MCPH1: variants seen among roughly 807,000 people sequenced by gnomAD.
MCPH1 encodes microcephalin.
In MCPH1, 104 loss-of-function variants were observed where a neutral mutation model predicts 84.5. The observed-to-expected ratio is 1.23, with a 90% CI of 1.05 to 1.45. The LOEUF (loss-of-function observed/expected upper bound fraction) is 1.45. Ranked by LOEUF, MCPH1 falls within the 40% of genes most tolerant of loss-of-function variation. The pLI, the probability that MCPH1 is intolerant of heterozygous loss-of-function variation, is 0.00. For synonymous variants in MCPH1, 514 were observed against 366.8 expected (o/e 1.40, Z -4.58); for missense variants, 1,498 against 1,005.7 (o/e 1.49, Z -6.62).
chr8:6,407,715 T>C (rs1209596888), intron 1 of MCPH1, among the ~76,000 whole-genome samples: 1 of 152,216 alleles, frequency 6.6e-6, no homozygotes. Context: ...CCCCCAATCA[T>C]TGACCAACGG....
chr8:6,488,456 G>A (rs963469691), intron 11 of MCPH1, among the ~76,000 whole-genome samples: 1 of 152,180 alleles, frequency 6.6e-6, no homozygotes, highest in Admixed American at 6.5e-5. Flanking sequence ...TTTTTAGTGG[G>A]AGAAGACTGT....
At chr8:6,459,972 C>T (rs1322074075) in intron 9 of MCPH1, among the ~76,000 whole-genome samples, 1 of 152,216 alleles carries the variant, frequency 6.6e-6, no homozygotes, top group East Asian at 1.9e-4. Flanking sequence ...TGACTTCAGC[C>T]ACGGCCACGG....
intron 9 of MCPH1, chr8:6,474,165 C>A: frequency 1.3e-6 from 1 of 745,060 alleles, no homozygotes; most frequent in Non-Finnish European, 2.5e-6. Flanking sequence ...ATTTGGTTAT[C>A]TAACTCATCA....
chr8:6,626,093 C>T (rs1229788355), intron 13 of MCPH1: 9 of 985,274 alleles, frequency 9.1e-6, no homozygotes, highest in Non-Finnish European at 1.1e-5. Context: ...ACCAACAACT[C>T]CATATCTATG....
intron 12 of MCPH1, among the ~76,000 whole-genome samples, chr8:6,531,271 T>C (rs1226650934): frequency 6.6e-6 from 1 of 151,460 alleles, no homozygotes; most frequent in East Asian, 1.9e-4. Flanking sequence ...GTTATTTTAC[T>C]AGTTTCTTTC....
intron 12 of MCPH1, chr8:6,501,256 G>A (rs1331921818): frequency 1.3e-5 from 2 of 152,212 alleles, no homozygotes; most frequent in Admixed American, 1.3e-4. Context: ...AAGTGGTGGG[G>A]AGAAGTTGGG....
chr8:6,419,126 CATACACACACACACACACACACACAG>C lies in MCPH1; in HGVS notation c.233+4245_233+4270del, dbSNP rs1563179031. 2.7e-3 allele frequency among the ~76,000 whole-genome samples: 184 copies of C among 68,926 alleles called. 1 individual carries two copies. Among genetic ancestry groups the C allele is most frequent in the African/African-American group, 8.9e-3 (179 of 20,078 alleles). The allele number at this position is 68,926 out of a possible 152,430, so 45.2% of individuals were successfully genotyped here. A position where few individuals can be genotyped will look rare whatever the true frequency, so the allele number is the denominator to read the frequency against. ...TTCAACCCTTTTATATTTATATACA[CATACACACACACACACACACACACAG>C]ACACACACACACACACACACACACA... On this transcript the variant is annotated intron_variant, in intron 3 of 13. Transcript: ENST00000344683.
intron 9 of MCPH1, among the ~76,000 whole-genome samples, chr8:6,477,101 A>T (rs988472174): frequency 6.6e-6 from 1 of 152,130 alleles, no homozygotes; most frequent in Non-Finnish European, 1.5e-5. Flanking sequence ...ATGTCAATAG[A>T]ACAAATAAGT....
At chr8:6,521,349 T>C in intron 12 of MCPH1, 1 of 1,613,830 alleles carries the variant, frequency 6.2e-7, no homozygotes, top group Non-Finnish European at 8.5e-7. Context: ...TTCTCTTCTT[T>C]TATTGACTGT....
chr8:6,453,484 C>A (rs1193532196), intron 8 of MCPH1, among the ~76,000 whole-genome samples: 1 of 151,652 alleles, frequency 6.6e-6, no homozygotes, highest in Non-Finnish European at 1.5e-5. Context: ...TGCTTTACAG[C>A]CTGTTTCGTT....
rs533454906 is a variant in MCPH1, at chr8:6,433,186, T to C, written c.321+1600T>C. On this transcript the variant is annotated intron_variant, in intron 4 of 13. Coordinates refer to ENST00000344683, the MANE Select transcript of MCPH1 (RefSeq NM_024596.5). ...ATTGTGACTGTTTTTCCGGTATTCA[T>C]GTACTTTTAGTCACTGTCAGTTTTT... 3.9e-5 allele frequency among the ~76,000 whole-genome samples: 6 copies of C among 152,354 alleles called. No individual in the cohort carries two copies. In the East Asian group the frequency reaches 1.2e-3, roughly 29 times the overall value.
At chr8:6,578,159 A>G (rs1208144254) in intron 12 of MCPH1, among the ~76,000 whole-genome samples, 1 of 152,202 alleles carries the variant, frequency 6.6e-6, no homozygotes, top group African/African-American at 2.4e-5. Context: ...GCATTTGGAC[A>G]TGGTCTATGA....
chr8:6,527,708 T>G, intron 12 of MCPH1: 1 of 1,558,292 alleles, frequency 6.4e-7, no homozygotes. Flanking sequence ...TCCTATTAAT[T>G]ATTTTTTAAT....
At chr8:6,432,464 A>G (rs1260388252) in intron 4 of MCPH1, among the ~76,000 whole-genome samples, 1 of 152,218 alleles carries the variant, frequency 6.6e-6, no homozygotes, top group African/African-American at 2.4e-5. Context: ...AGTTAAAGAC[A>G]TTGCTTTCAT....
At chr8:6,507,339 A>G (rs1008221450) in intron 12 of MCPH1, among the ~76,000 whole-genome samples, 4 of 152,178 alleles carry the variant, frequency 2.6e-5, no homozygotes, top group African/African-American at 9.7e-5. Flanking sequence ...ATTTTTGCAG[A>G]TATGATTTAT....
intron 1 of MCPH1, chr8:6,407,092 C>T (rs553939534): frequency 1.8e-5 from 6 of 326,210 alleles, no homozygotes; most frequent in South Asian, 4.9e-5. Flanking sequence ...CTGCTTTCAC[C>T]CCTGCTGCCT....
chr8:6,516,820 A>C (rs1202975954), intron 12 of MCPH1, among the ~76,000 whole-genome samples: 1 of 152,196 alleles, frequency 6.6e-6, no homozygotes, highest in East Asian at 1.9e-4. Context: ...CCAGTACTTA[A>C]ATACATGTTC....
chr8:6,565,148 C>A (rs1826049424), intron 12 of MCPH1, among the ~76,000 whole-genome samples: 1 of 152,226 alleles, frequency 6.6e-6, no homozygotes, highest in South Asian at 2.1e-4. Flanking sequence ...TGCTTCCATT[C>A]TTGGAGCCTC....
chr8:6,584,500 A>C (rs779161521), intron 12 of MCPH1, among the ~76,000 whole-genome samples: 1 of 152,210 alleles, frequency 6.6e-6, no homozygotes, highest in Non-Finnish European at 1.5e-5. Flanking sequence ...TTTTAGCTGC[A>C]TATACTGAGA....
Sources: allele counts gnomAD v4.1 joint callset (sites outside exome capture counted in the v4.1 genomes callset), GRCh38; gene constraint gnomAD v4.1.1; transcripts MANE v1.5; gene names NCBI Gene and HGNC (gene_info 2026-07-23, HGNC 2026-07-21).